Variants in KANSL1L observed in about 807,000 individuals in gnomAD.
KANSL1L encodes KAT8 regulatory NSL complex subunit 1-like protein.
In KANSL1L, 25 loss-of-function variants were observed where a neutral mutation model predicts 108.6. The observed-to-expected ratio is 0.23, with a 90% CI of 0.17 to 0.32. The LOEUF (loss-of-function observed/expected upper bound fraction) is 0.32, where lower values mean the gene tolerates loss of function less well. Ranked by LOEUF, KANSL1L falls within the 10% of genes least tolerant of loss-of-function variation. The pLI is 1.00. For synonymous variants in KANSL1L, 405 were observed against 395.1 expected, an observed-to-expected ratio of 1.03 and a Z score of -0.30; for missense variants, 1,137 against 1,125.7, an observed-to-expected ratio of 1.01 and a Z score of -0.14.
chr2:210,167,799 T>C (rs1688073217), intron 1 of KANSL1L, among the ~76,000 whole-genome samples: 1 of 151,992 alleles, frequency 6.6e-6, no homozygotes, highest in East Asian at 1.9e-4. Context: ...AAAAATAACA[T>C]CAAGTATTTA....
intron 2 of KANSL1L, among the ~76,000 whole-genome samples, chr2:210,143,735 T>C (rs1184196141): frequency 6.6e-6 from 1 of 152,206 alleles, no homozygotes; most frequent in East Asian, 1.9e-4. Flanking sequence ...ATACAAACTC[T>C]CTATACTTTT....
intron 14 of KANSL1L, among the ~76,000 whole-genome samples, chr2:210,023,589 T>G (rs1201672129): frequency 1.3e-5 from 2 of 152,230 alleles, no homozygotes; most frequent in African/African-American, 2.4e-5. Context: ...ATTCTAGATC[T>G]AGTTCTTTTT....
At chr2:210,154,669 T>G in intron 1 of KANSL1L, 58 bp from the exon 2 acceptor site, 1 of 1,120,236 alleles carries the variant, frequency 8.9e-7, no homozygotes, top group Admixed American at 2.9e-5. Flanking sequence ...ATGCTTATAC[T>G]TTTTTCTAAG....
chr2:210,060,048 T>G (rs1175757818), intron 6 of KANSL1L, among the ~76,000 whole-genome samples: 2 of 152,178 alleles, frequency 1.3e-5, no homozygotes, highest in Admixed American at 1.3e-4. Context: ...CAGCTTCCAG[T>G]AAGAATTTAA....
intron 4 of KANSL1L, 137 bp from the exon 5 acceptor site, chr2:210,098,344 A>T: frequency 1.4e-6 from 1 of 717,254 alleles, no homozygotes; most frequent in Non-Finnish European, 2.2e-6. Flanking sequence ...TTTGACAAAG[A>T]CAATTTATAC....
intron 3 of KANSL1L, among the ~76,000 whole-genome samples, chr2:210,120,280 G>A (rs912783025): frequency 3.3e-5 from 5 of 151,958 alleles, no homozygotes; most frequent in South Asian, 4.2e-4. Context: ...TAGTCCCAGC[G>A]ACTCAGGAGG....
chr2:210,158,950 C>T (rs1019937924), intron 1 of KANSL1L, among the ~76,000 whole-genome samples: 5 of 152,172 alleles, frequency 3.3e-5, no homozygotes, highest in Non-Finnish European at 7.3e-5. Context: ...ATATAAACAA[C>T]TACACTTATC....
chr2:210,101,091 C>G (rs2094789591), intron 4 of KANSL1L, among the ~76,000 whole-genome samples: 1 of 152,190 alleles, frequency 6.6e-6, no homozygotes, highest in Non-Finnish European at 1.5e-5. Flanking sequence ...TACTTCTGCT[C>G]TCTTTACATA....
At chr2:210,080,067 T>G (rs1465397872) in intron 5 of KANSL1L, among the ~76,000 whole-genome samples, 1 of 151,312 alleles carries the variant, frequency 6.6e-6, no homozygotes, top group Non-Finnish European at 1.5e-5. Flanking sequence ...CTCTAGTCCC[T>G]TCTATACCAA....
chr2:210,113,916 G>A (rs2094931161), intron 3 of KANSL1L, among the ~76,000 whole-genome samples: 1 of 152,102 alleles, frequency 6.6e-6, no homozygotes, highest in Non-Finnish European at 1.5e-5. Context: ...TTAAAGAAAA[G>A]TGAACAAAGT....
At chr2:210,108,947 C>A (rs527444121) in intron 3 of KANSL1L, among the ~76,000 whole-genome samples, 2 of 152,270 alleles carry the variant, frequency 1.3e-5, no homozygotes, top group South Asian at 2.1e-4. Context: ...ATACTTTCTG[C>A]TCCTTTAAAT....
intron 6 of KANSL1L, among the ~76,000 whole-genome samples, chr2:210,054,668 C>T (rs766861205): frequency 8.6e-4 from 131 of 151,910 alleles, no homozygotes; most frequent in Non-Finnish European, 1.3e-3. Flanking sequence ...TAAAAGCTCT[C>T]CAAGATCTGG....
intron 11 of KANSL1L, 165 bp downstream of exon 11, chr2:210,028,680 A>G: frequency 1.8e-6 from 1 of 566,254 alleles, no homozygotes. Context: ...GTGATACTAT[A>G]TAACACTTAA....
Position 210,075,769 on chromosome 2 carries a change from G to A in KANSL1L, c.1551-13C>T. ...ATTCTCTGATGCACTGAAATGCCAT[G>A]AAATAATTAGGGCGTGGGAAGGGAA... On this transcript the variant is annotated splice_polypyrimidine_tract_variant and intron_variant, in intron 5 of 14. Transcript: ENST00000281772. 1 of 1,593,724 alleles carries A rather than the reference G, an allele frequency of 6.3e-7. No homozygotes were observed. Among genetic ancestry groups the A allele is most frequent in the Non-Finnish European group, 8.6e-7 (1 of 1,162,036 alleles).
At chr2:210,151,387 C>T (rs2095302666) in intron 2 of KANSL1L, 1 of 152,104 alleles carries the variant, frequency 6.6e-6, no homozygotes, top group African/African-American at 2.4e-5. Flanking sequence ...TTCTCAACAA[C>T]AAAAAAATTT....
At chr2:210,051,763 T>C (rs1416866557) in intron 6 of KANSL1L, among the ~76,000 whole-genome samples, 2 of 152,134 alleles carry the variant, frequency 1.3e-5, no homozygotes, top group African/African-American at 2.4e-5. Context: ...ATCTTCTAGA[T>C]ATTCAGAAAT....
intron 6 of KANSL1L, among the ~76,000 whole-genome samples, chr2:210,063,372 G>A (rs1333492541): frequency 1.3e-5 from 2 of 152,358 alleles, no homozygotes; most frequent in Admixed American, 6.5e-5. Flanking sequence ...CCCACAAACA[G>A]CCCCTACTGG....
chr2:210,154,677 A>C, intron 1 of KANSL1L, 66 bp from the exon 2 acceptor site: 3 of 954,990 alleles, frequency 3.1e-6, no homozygotes, highest in South Asian at 6.7e-5. Context: ...ACTTTTTTCT[A>C]AGGGCAACAT....
intron 14 of KANSL1L, 53 bp from the exon 15 acceptor site, chr2:210,023,232 T>TTCA: frequency 7.9e-7 from 1 of 1,269,786 alleles, no homozygotes; most frequent in East Asian, 2.3e-5. Context: ...TTTGTTTAAA[T>TTCA]TCATCTAACA....
Sources: allele counts gnomAD v4.1 joint callset (sites outside exome capture counted in the v4.1 genomes callset), GRCh38; gene constraint gnomAD v4.1.1; transcripts MANE v1.5; gene names NCBI Gene and HGNC (gene_info 2026-07-23, HGNC 2026-07-21).